Variants in MGST1 observed in about 807,000 individuals in gnomAD.
The protein encoded by MGST1 is glutathione S-transferase 12.
Under a neutral mutation model 8.9 loss-of-function variants are expected in MGST1, and 5 were observed. The observed-to-expected ratio is 0.56, with a 90% confidence interval of 0.29 to 1.19. MGST1 has a LOEUF of 1.19. Ranked by LOEUF, MGST1 falls within the 50% of genes most tolerant of loss-of-function variation. The probability of loss-of-function intolerance (pLI) is 0.08; values close to 1 mark genes in which losing one functional copy is unlikely to be tolerated. For synonymous variants in MGST1, 54 were observed against 67.8 expected (o/e 0.80, Z 1.00); for missense variants, 182 against 187.4 (o/e 0.97, Z 0.17).
chr12:16,390,962 T>C (rs7967009), intron 1 of MGST1, among the ~76,000 whole-genome samples: 59,061 of 151,694 alleles, frequency 0.39, 11,585 homozygotes, highest in East Asian at 0.53. Flanking sequence ...ACAACCTCTC[T>C]AGCATCTTTT....
At chr12:16,386,984 G>A (rs2137048268) in intron 1 of MGST1, among the ~76,000 whole-genome samples, 1 of 152,272 alleles carries the variant, frequency 6.6e-6, no homozygotes, top group Admixed American at 6.5e-5. Flanking sequence ...TTGTGTTCAT[G>A]TATTTTACTT....
chr12:16,514,162 C>CT (rs1336832943), intron 4 of MGST1: 6 of 347,516 alleles, frequency 1.7e-5, no homozygotes, highest in African/African-American at 1.3e-4. Context: ...GATGCCTGGG[C>CT]TGTGCGCCAC....
chr12:16,536,722 CA>C lies in MGST1; in HGVS notation n.483-52802del, dbSNP rs748028148. Among the ~76,000 whole-genome samples the C allele has an allele frequency of 8.5e-5, 13 of 152,194 alleles. No homozygotes were observed. In the East Asian group the frequency reaches 1.9e-3, roughly 23 times the overall value. On this transcript the variant is annotated intron_variant and non_coding_transcript_variant, in intron 4 of 4. Transcript: ENST00000538857. Reference sequence around the variant, plus strand: ...GTGGCAAGAGAAAATGAGGAAGATGCAAAAGCAGAAACCCCAATAAAACCAT... The same window carrying C: ...GTGGCAAGAGAAAATGAGGAAGATGCAAAGCAGAAACCCCAATAAAACCAT...
At chr12:16,453,237 C>A (rs1475983563) in intron 4 of MGST1, among the ~76,000 whole-genome samples, 1 of 151,868 alleles carries the variant, frequency 6.6e-6, no homozygotes, top group Non-Finnish European at 1.5e-5. Flanking sequence ...ATAGCAACGT[C>A]CTTTTAGACT....
chr12:16,486,659 A>G (rs1443005089), intron 4 of MGST1, among the ~76,000 whole-genome samples: 3 of 152,220 alleles, frequency 2.0e-5, no homozygotes, highest in Non-Finnish European at 4.4e-5. Flanking sequence ...GCTTTCCTGG[A>G]AAACGAGTTG....
chr12:16,445,971 G>A (rs575893981), intron 4 of MGST1, among the ~76,000 whole-genome samples: 3 of 152,002 alleles, frequency 2.0e-5, no homozygotes, highest in East Asian at 1.9e-4. Context: ...CACAGGCCAA[G>A]GTAATAATGT....
chr12:16,468,521 A>G (rs959517477), intron 4 of MGST1, among the ~76,000 whole-genome samples: 1 of 152,178 alleles, frequency 6.6e-6, no homozygotes, highest in Admixed American at 6.5e-5. Flanking sequence ...CTCATTTAAC[A>G]CCAGATATAG....
intron 1 of MGST1, chr12:16,399,958 A>G: frequency 7.5e-7 from 1 of 1,336,740 alleles, no homozygotes. Context: ...AGCATTTACC[A>G]GCGCACTACT....
chr12:16,381,779 A>G (rs535873191), downstream of MGST1, among the ~76,000 whole-genome samples: 95 of 152,286 alleles, frequency 6.2e-4, 1 homozygote, highest in African/African-American at 2.2e-3. Context: ...TACACCAATC[A>G]GATGTAGATT....
At chr12:16,453,901 C>T (rs996436449) in intron 4 of MGST1, among the ~76,000 whole-genome samples, 1 of 151,954 alleles carries the variant, frequency 6.6e-6, no homozygotes, top group African/African-American at 2.4e-5. Flanking sequence ...ATATCTGCAA[C>T]AAGCCATATT....
intron 4 of MGST1, among the ~76,000 whole-genome samples, chr12:16,575,935 G>A (rs80145632): frequency 3.0e-4 from 46 of 152,220 alleles, no homozygotes; most frequent in African/African-American, 1.1e-3. Flanking sequence ...AGAAATGAAT[G>A]TCGGAACATT....
At chr12:16,354,184 T>C (rs1379362113) in intron 1 of MGST1, 47 bp from the exon 2 acceptor site, 2 of 1,341,686 alleles carry the variant, frequency 1.5e-6, no homozygotes, top group Non-Finnish European at 2.0e-6. Context: ...CCAGTTATTT[T>C]GGGTATTTAT....
intron 4 of MGST1, among the ~76,000 whole-genome samples, chr12:16,551,692 C>A (rs1941996270): frequency 6.6e-6 from 1 of 151,650 alleles, no homozygotes; most frequent in South Asian, 2.1e-4. Flanking sequence ...AATAATGTTT[C>A]ACTGCAGTAA....
chr12:16,412,529 G>A (rs188174562), intron 1 of MGST1, among the ~76,000 whole-genome samples: 53 of 152,260 alleles, frequency 3.5e-4, no homozygotes, highest in African/African-American at 1.2e-3. Context: ...GCCTGATATG[G>A]TTTGGCTGTG....
chr12:16,562,825 G>A (rs965143774), intron 4 of MGST1, among the ~76,000 whole-genome samples: 2 of 152,216 alleles, frequency 1.3e-5, no homozygotes, highest in African/African-American at 4.8e-5. Context: ...AATGGTCCGA[G>A]TCTCTGATGG....
At chr12:16,471,462 T>C (rs1941289172) in intron 4 of MGST1, among the ~76,000 whole-genome samples, 1 of 152,240 alleles carries the variant, frequency 6.6e-6, no homozygotes, top group Admixed American at 6.5e-5. Flanking sequence ...TACTGAATTA[T>C]GCTTAATGAT....
intron 4 of MGST1, among the ~76,000 whole-genome samples, chr12:16,541,799 A>G (rs548662572): frequency 2.0e-5 from 3 of 152,312 alleles, no homozygotes; most frequent in East Asian, 1.9e-4. Context: ...AAATCAGGCT[A>G]AGTAAGAATA....
chr12:16,418,310 G>A (rs1011025475), intron 1 of MGST1, among the ~76,000 whole-genome samples: 20 of 152,122 alleles, frequency 1.3e-4, no homozygotes, highest in Admixed American at 2.0e-4. Flanking sequence ...TAATTCCAAG[G>A]TTCATGTTCT....
chr12:16,493,772 G>A (rs772674712), intron 4 of MGST1, among the ~76,000 whole-genome samples: 1 of 152,156 alleles, frequency 6.6e-6, no homozygotes, highest in Middle Eastern at 3.2e-3. Flanking sequence ...AAACATTGAA[G>A]AATCTGTTCC....
Sources: allele counts gnomAD v4.1 joint callset (sites outside exome capture counted in the v4.1 genomes callset), GRCh38; gene constraint gnomAD v4.1.1; transcripts MANE v1.5; gene names NCBI Gene and HGNC (gene_info 2026-07-23, HGNC 2026-07-21).